The following PAK2 variants were observed in gnomAD, a reference collection of about 807,000 sequenced individuals.
PAK2 encodes the protein serine/threonine-protein kinase PAK 2.
Under a neutral mutation model 65.9 loss-of-function variants are expected in PAK2, and 21 were observed. The observed-to-expected ratio is 0.32, with a 90% CI of 0.23 to 0.46. The LOEUF (loss-of-function observed/expected upper bound fraction) is 0.46, where lower values mean the gene tolerates loss of function less well. PAK2 is among the 20% of genes least tolerant of loss of function. The pLI is 1.00. For synonymous variants in PAK2, 204 were observed against 219.7 expected, an observed-to-expected ratio of 0.93 and a Z score of 0.63; for missense variants, 324 against 642.6, an observed-to-expected ratio of 0.50 and a Z score of 5.36.
chr3:196,826,178 T>C lies in PAK2; in HGVS notation c.1351-1018T>C, dbSNP rs562619047. Among the ~76,000 whole-genome samples, 50 of 151,582 alleles carry C rather than the reference T, an allele frequency of 3.3e-4. No individual in the cohort carries two copies. The South Asian group carries it at 5.0e-3, about 15-fold the overall frequency. Reference sequence around the variant, plus strand: ...AATTTGTTTTTGTTTGTTTGTTTGTTTGTTTATTTTTGGGACGGAGTCTCG... The same window carrying C: ...AATTTGTTTTTGTTTGTTTGTTTGTCTGTTTATTTTTGGGACGGAGTCTCG... On this transcript the variant is annotated intron_variant, in intron 13 of 14. Transcript: ENST00000327134.
chr3:196,774,469 A>T (rs905642157), intron 1 of PAK2, among the ~76,000 whole-genome samples: 3 of 152,158 alleles, frequency 2.0e-5, no homozygotes, highest in Non-Finnish European at 4.4e-5. Flanking sequence ...GCAAGGACTG[A>T]CCTCAGGAAG....
chr3:196,808,610 A>G (rs945142268), intron 7 of PAK2, among the ~76,000 whole-genome samples: 1 of 148,510 alleles, frequency 6.7e-6, no homozygotes, highest in African/African-American at 2.5e-5. Flanking sequence ...CATGCCTATA[A>G]TCCCAGCACT....
rs143690612 is a variant in PAK2 at position 196,830,081 on chromosome 3, TA to T, written c.*1682del. On this transcript the variant is annotated 3_prime_UTR_variant, in exon 15 of 15. Coordinates refer to ENST00000327134, the MANE Select transcript of PAK2 (RefSeq NM_002577.4). ...ATCCTGCAGTAGTATAAATCATGAA[TA>T]AAAAATAATTTTGCTGTTGTAGTAT... 6.6e-6 allele frequency: 1 copy of T among 151,666 alleles called. No homozygotes were observed. The highest frequency in any genetic ancestry group is 1.5e-5 in the Non-Finnish European group (1 of 67,946). 9.4% of individuals were successfully genotyped at this position (151,666 alleles called of 1,614,324 possible).
rs537270360 is a variant in PAK2 at position 196,829,949 on chromosome 3, A to G, written c.*1544A>G. The G allele has an allele frequency of 7.2e-6, 1 of 139,554 alleles. No individual in the cohort carries two copies. The highest frequency in any genetic ancestry group is 7.3e-5 in the Admixed American group (1 of 13,636). 8.6% of individuals were successfully genotyped at this position (139,554 alleles called of 1,614,324 possible). On this transcript the variant is annotated 3_prime_UTR_variant, in exon 15 of 15. Transcript: ENST00000327134. ...TTTTCCTCTCCTCTTCTTCTCCTTT[A>G]TTCATTGTTTTGCTTTTGGAGTGGG...
intron 1 of PAK2, among the ~76,000 whole-genome samples, chr3:196,763,848 C>T (rs1175603549): frequency 6.6e-6 from 1 of 152,146 alleles, no homozygotes; most frequent in African/African-American, 2.4e-5. Flanking sequence ...GGCTGGAGTG[C>T]AGTGGTGTGG....
At chr3:196,747,410 T>C (rs1713423886) in intron 1 of PAK2, 1 of 152,208 alleles carries the variant, frequency 6.6e-6, no homozygotes, top group Non-Finnish European at 1.5e-5. Flanking sequence ...CATTCTAATT[T>C]ACATGGACAA....
chr3:196,805,218 C>T (rs976626137), intron 4 of PAK2, 134 bp from the exon 5 acceptor site: 26 of 581,752 alleles, frequency 4.5e-5, no homozygotes, highest in African/African-American at 3.0e-4. Flanking sequence ...CTTGCGTGTT[C>T]ATTTTTCTCA....
At chr3:196,742,922 TAA>T (rs1713256289) in intron 1 of PAK2, among the ~76,000 whole-genome samples, 1 of 152,080 alleles carries the variant, frequency 6.6e-6, no homozygotes, top group Non-Finnish European at 1.5e-5. Context: ...TCCGTCTCAT[TAA>T]AAAAGAAAAA....
intron 14 of PAK2, among the ~76,000 whole-genome samples, chr3:196,827,641 A>G (rs544548782): frequency 6.6e-6 from 1 of 152,198 alleles, no homozygotes; most frequent in Non-Finnish European, 1.5e-5. Flanking sequence ...ATTAGGAGAT[A>G]TACCTAATGT....
chr3:196,824,880 CTTTAAT>C (rs1711778857), intron 13 of PAK2, among the ~76,000 whole-genome samples: 1 of 151,316 alleles, frequency 6.6e-6, no homozygotes, highest in South Asian at 2.1e-4. Context: ...AAACTGAGGG[CTTTAAT>C]TTAATAGAAG....
chr3:196,826,390 T>G (rs1577756260), intron 13 of PAK2, among the ~76,000 whole-genome samples: 1 of 151,934 alleles, frequency 6.6e-6, no homozygotes, highest in Non-Finnish European at 1.5e-5. Context: ...GTCAGGATGC[T>G]CTCAATCTCC....
intron 1 of PAK2, among the ~76,000 whole-genome samples, chr3:196,778,800 T>G (rs978414710): frequency 1.3e-5 from 2 of 152,198 alleles, no homozygotes; most frequent in African/African-American, 4.8e-5. Flanking sequence ...TTTGGAGGAA[T>G]GTAGTGGTCA....
At chr3:196,800,115 T>G (rs553728873) in intron 2 of PAK2, among the ~76,000 whole-genome samples, 2 of 152,300 alleles carry the variant, frequency 1.3e-5, no homozygotes, top group East Asian at 1.9e-4. Context: ...GTGCAGTGGC[T>G]CATGTCTGTA....
In PAK2 at chr3:196,751,539, C is replaced by T. The variant is rs573942268; in HGVS notation, c.-22+11382C>T. Among the ~76,000 whole-genome samples, 9 of 149,970 alleles carry T rather than the reference C, an allele frequency of 6.0e-5. No homozygotes were observed. The East Asian group carries it at 9.9e-4, about 16-fold the overall frequency. ...GCACGCACCTGTAATCCCAGCTACTCGGGAGGCTGAGGCATGAGAATCTCT... is the reference window on the plus strand; with the variant it reads ...GCACGCACCTGTAATCCCAGCTACTTGGGAGGCTGAGGCATGAGAATCTCT... On this transcript the variant is annotated intron_variant, in intron 1 of 14. Transcript: ENST00000327134.
chr3:196,779,951 G>A lies in PAK2; in HGVS notation c.-21-2675G>A, dbSNP rs532024399. ...CTCCTAAAGTGTGGCGTGAGCCACCGCGCCCAGCCGCAATGTTGTTACTAA... is the reference window on the plus strand; with the variant it reads ...CTCCTAAAGTGTGGCGTGAGCCACCACGCCCAGCCGCAATGTTGTTACTAA... On this transcript the variant is annotated intron_variant, in intron 1 of 14. Transcript: ENST00000327134. 1.0e-3 allele frequency among the ~76,000 whole-genome samples: 157 copies of A among 152,312 alleles called. 4 individuals are homozygous for A. The highest frequency in any genetic ancestry group is 1.3e-3 in the Non-Finnish European group (90 of 68,026).
intron 1 of PAK2, among the ~76,000 whole-genome samples, chr3:196,771,605 G>A (rs1463006979): frequency 6.6e-6 from 1 of 151,950 alleles, no homozygotes; most frequent in Non-Finnish European, 1.5e-5. Context: ...TGTTGCCCAG[G>A]CTGGAGTACA....
intron 1 of PAK2, among the ~76,000 whole-genome samples, chr3:196,758,754 CG>C (rs1411145325): frequency 4.6e-5 from 7 of 152,138 alleles, no homozygotes; most frequent in Non-Finnish European, 7.4e-5. Flanking sequence ...CTTCCTGGTT[CG>C]GGCGATTCTC....
intron 1 of PAK2, among the ~76,000 whole-genome samples, chr3:196,756,422 G>A (rs1351997458): frequency 6.6e-6 from 1 of 151,996 alleles, no homozygotes; most frequent in Non-Finnish European, 1.5e-5. Flanking sequence ...CGTTCCACTG[G>A]GCCCTGTCAG....
chr3:196,765,906 T>C (rs1185038103), intron 1 of PAK2, among the ~76,000 whole-genome samples: 8 of 150,982 alleles, frequency 5.3e-5, no homozygotes, highest in Non-Finnish European at 8.9e-5. Flanking sequence ...GTATCTTCTT[T>C]TTTTTTTTTT....
Sources: allele counts gnomAD v4.1 joint callset (sites outside exome capture counted in the v4.1 genomes callset), GRCh38; gene constraint gnomAD v4.1.1; transcripts MANE v1.5; gene names NCBI Gene and HGNC (gene_info 2026-07-23, HGNC 2026-07-21).